Variants in PDZD9 observed in about 807,000 individuals in gnomAD.
The protein encoded by PDZD9 is PDZ domain containing 9, also known as PDZ domain-containing protein 9.
In PDZD9, 13 loss-of-function variants were observed where a neutral mutation model predicts 16.3. That is an observed-to-expected ratio of 0.80 (90% CI 0.52 to 1.27). PDZD9 has a LOEUF of 1.27. Ranked by LOEUF, PDZD9 falls within the 50% of genes most tolerant of loss-of-function variation. PDZD9 has a pLI of 0.00. For synonymous variants in PDZD9, 120 were observed against 111.0 expected (o/e 1.08, Z -0.51); for missense variants, 288 against 310.9 (o/e 0.93, Z 0.55).
At chr16:21,961,439 A>G in the PDZD9 span, 9 of 271,786 alleles carry the variant, frequency 3.3e-5, no homozygotes, top group Admixed American at 8.9e-5. Context: ...TAGAGTGTGA[A>G]CAAGCAAGTT....
chr16:21,980,754 C>A, downstream of PDZD9: 1 of 1,595,366 alleles, frequency 6.3e-7, no homozygotes, highest in South Asian at 1.1e-5. Context: ...CCTTAATGAT[C>A]CAATTTCAGA....
downstream of PDZD9, among the ~76,000 whole-genome samples, chr16:21,979,603 G>A (rs1217046066): frequency 1.3e-5 from 2 of 152,084 alleles, no homozygotes; most frequent in Admixed American, 1.3e-4. Flanking sequence ...TAAAAATACA[G>A]CACAAAAGAT....
downstream of PDZD9, chr16:21,983,300 A>T: frequency 1.3e-6 from 1 of 744,038 alleles, no homozygotes. Flanking sequence ...GCATAAATGC[A>T]GGTAATTATT....
chr16:21,961,208 C>T, the PDZD9 span: 1 of 287,426 alleles, frequency 3.5e-6, no homozygotes, highest in South Asian at 2.9e-5. Flanking sequence ...TAAATTGATA[C>T]AACCACTTAG....
At chr16:21,983,015 A>G, downstream of PDZD9, 1 of 1,429,566 alleles carries the variant, frequency 7.0e-7, no homozygotes, top group Non-Finnish European at 9.6e-7. Flanking sequence ...TTGAAATGAC[A>G]AAATAAGTTC....
At chr16:21,962,214 T>C in the PDZD9 span, 1 of 496,392 alleles carries the variant, frequency 2.0e-6, no homozygotes, top group South Asian at 2.6e-5. Context: ...TAGCATAATG[T>C]CCTCAGGGTT....
chr16:21,996,398 G>A lies in PDZD9; in HGVS notation c.135C>T (p.Ile45=), dbSNP rs1176005838. The change falls in exon 2 of 4, where the codon ATC becomes ATT. Residue 45 remains isoleucine, a synonymous_variant. Transcript: ENST00000424898. Reference sequence around the variant, plus strand: ...TGATCTGGAGGTAGGGTCCATGCTGGATGATGATGAGGCCTAATCCCAGGC... The same window carrying A: ...TGATCTGGAGGTAGGGTCCATGCTGAATGATGATGAGGCCTAATCCCAGGC... ...VGSLGLGLII[I]QHGPYLQITH... is the part of the protein sequence containing the mutation. The A allele has an allele frequency of 6.5e-7, 1 of 1,536,072 alleles. No homozygotes were observed. Among genetic ancestry groups the A allele is most frequent in the South Asian group, 1.2e-5 (1 of 84,050 alleles).
the PDZD9 span, chr16:21,976,275 T>G: frequency 6.5e-7 from 1 of 1,540,920 alleles, no homozygotes; most frequent in Non-Finnish European, 9.0e-7. Flanking sequence ...GTTTTATGTT[T>G]TTGTTATTTG....
the PDZD9 span, among the ~76,000 whole-genome samples, chr16:21,972,680 G>T: frequency 5.3e-5 from 8 of 152,168 alleles, no homozygotes; most frequent in African/African-American, 1.9e-4. Flanking sequence ...TTCGAGACCA[G>T]CCTGGCCAAC....
At chr16:21,968,860 A>G in the PDZD9 span, among the ~76,000 whole-genome samples, 1 of 152,220 alleles carries the variant, frequency 6.6e-6, no homozygotes, top group African/African-American at 2.4e-5. Flanking sequence ...GGAAAGCAGA[A>G]TCCAACATTT....
the PDZD9 span, among the ~76,000 whole-genome samples, chr16:21,959,184 G>GACT: frequency 6.6e-6 from 1 of 152,130 alleles, no homozygotes; most frequent in African/African-American, 2.4e-5. Flanking sequence ...TGCATTGATT[G>GACT]ACTCTTCCTT....
downstream of PDZD9, chr16:21,983,676 C>A (rs1256052011): frequency 6.4e-6 from 1 of 156,404 alleles, no homozygotes. Context: ...TATTCCCATT[C>A]ATTCATTTTT....
At chr16:21,979,875 A>G (rs1005721358), downstream of PDZD9, among the ~76,000 whole-genome samples, 4 of 152,196 alleles carry the variant, frequency 2.6e-5, no homozygotes, top group African/African-American at 7.2e-5. Flanking sequence ...GACCAAAAAC[A>G]TCATTATGTA....
the PDZD9 span, among the ~76,000 whole-genome samples, chr16:21,961,668 A>ATATT: frequency 2.6e-5 from 3 of 116,048 alleles, no homozygotes; most frequent in Non-Finnish European, 5.2e-5. Context: ...ATATATATAT[A>ATATT]TTTTAGACAG....
chr16:21,970,257 C>G, the PDZD9 span, among the ~76,000 whole-genome samples: 1 of 152,158 alleles, frequency 6.6e-6, no homozygotes, highest in Non-Finnish European at 1.5e-5. Context: ...TATAAACATT[C>G]ACGTGTACAT....
downstream of PDZD9, among the ~76,000 whole-genome samples, chr16:21,982,898 A>T (rs1168528456): frequency 6.8e-6 from 1 of 147,400 alleles, no homozygotes; most frequent in Non-Finnish European, 1.5e-5. Flanking sequence ...TGGGAGGCGG[A>T]GGCTGCAGTG....
the PDZD9 span, among the ~76,000 whole-genome samples, chr16:21,977,559 T>A: frequency 1.3e-5 from 2 of 152,204 alleles, no homozygotes; most frequent in Non-Finnish European, 2.9e-5. Context: ...AAATCCCCAC[T>A]GTCCAGATTG....
chr16:21,967,998 TCC>T, the PDZD9 span, among the ~76,000 whole-genome samples: 1 of 150,654 alleles, frequency 6.6e-6, no homozygotes, highest in East Asian at 2.0e-4. Flanking sequence ...TTCTTTTTAT[TCC>T]TTTTTTTTTT....
the PDZD9 span, among the ~76,000 whole-genome samples, chr16:21,969,113 G>A: frequency 2.6e-5 from 4 of 152,208 alleles, no homozygotes; most frequent in Non-Finnish European, 4.4e-5. Flanking sequence ...AATCTGTGAT[G>A]TTGGCAAAAT....
Sources: allele counts gnomAD v4.1 joint callset (sites outside exome capture counted in the v4.1 genomes callset), GRCh38; gene constraint gnomAD v4.1.1; transcripts MANE v1.5; gene names NCBI Gene and HGNC (gene_info 2026-07-23, HGNC 2026-07-21).